Variants in ZFX observed in about 807,000 individuals in gnomAD.
The protein encoded by ZFX is zinc finger X-chromosomal protein.
For missense variants in ZFX, 362 were observed against 628.3 expected (o/e 0.58, Z 4.53); for synonymous variants, 196 against 226.8 (o/e 0.86, Z 1.22).
At chrX:24,153,136 A>G (rs1168998881) in intron 3 of ZFX, among the ~76,000 whole-genome samples, 5 of 111,918 alleles carry the variant, frequency 4.5e-5, no homozygotes, top group African/African-American at 1.6e-4. Flanking sequence ...TCTGTCACTG[A>G]TAATCTTCTT....
intron 5 of ZFX, among the ~76,000 whole-genome samples, chrX:24,191,549 T>G (rs1291369872): frequency 5.4e-5 from 6 of 111,760 alleles, no homozygotes. Context: ...TTTTCACATA[T>G]GTCAAGTAGA....
intron 5 of ZFX, among the ~76,000 whole-genome samples, chrX:24,205,178 T>C (rs146707232): frequency 1.3e-3 from 149 of 112,449 alleles, no homozygotes; most frequent in Middle Eastern, 4.6e-3. Flanking sequence ...GAGCCTTCTT[T>C]TCTGGGCCTC....
rs777201713 is a variant in ZFX at position 24,208,202 on chromosome X, G to A, written c.941-16G>A. The A allele has an allele frequency of 1.2e-5, 14 of 1,210,423 alleles. No individual in the cohort carries two copies. The highest frequency in any genetic ancestry group is 1.6e-5 in the Non-Finnish European group (14 of 895,031). ...TGTAAACCTGGTCACAGAAGTTTTT[G>A]TAACTTTCTACTTAGATGTTGCTGA... On this transcript the variant is annotated splice_polypyrimidine_tract_variant and intron_variant, in intron 7 of 9. Transcript: ENST00000304543.
At chrX:24,165,955 G>A (rs1195808551) in intron 3 of ZFX, among the ~76,000 whole-genome samples, 1 of 112,733 alleles carries the variant, frequency 8.9e-6, no homozygotes, top group Non-Finnish European at 1.9e-5. Context: ...GTTATGGAAT[G>A]AACATGGATA....
chrX:24,207,991 A>T (rs981883348), intron 7 of ZFX, 136 bp downstream of exon 7: 1 of 914,241 alleles, frequency 1.1e-6, no homozygotes, highest in Non-Finnish European at 1.5e-6. Context: ...TGACTCTTTT[A>T]TATATGCTTA....
At chrX:24,174,907 C>T (rs542382230) in intron 4 of ZFX, among the ~76,000 whole-genome samples, 189 of 109,699 alleles carry the variant, frequency 1.7e-3, no homozygotes, top group Middle Eastern at 9.3e-3. Flanking sequence ...GACGGGGTCT[C>T]GCTATGTTGC....
chrX:24,178,588 CTT>C (rs770391725), intron 4 of ZFX, among the ~76,000 whole-genome samples: 5 of 82,790 alleles, frequency 6.0e-5, no homozygotes, highest in Admixed American at 2.9e-4. Context: ...CGCGCCTGGC[CTT>C]TTTTTTTTTT....
intron 5 of ZFX, among the ~76,000 whole-genome samples, chrX:24,202,613 T>G (rs938878314): frequency 1.8e-5 from 2 of 111,590 alleles, no homozygotes; most frequent in African/African-American, 6.5e-5. Flanking sequence ...CCTCTCCAGC[T>G]TTCCCTTCTC....
At chrX:24,168,671 CTTTT>C (rs141296315) in intron 3 of ZFX, among the ~76,000 whole-genome samples, 11 of 83,260 alleles carry the variant, frequency 1.3e-4, no homozygotes, top group Non-Finnish European at 2.1e-4. Context: ...TTCTTTCTTT[CTTTT>C]TTTTTTTTTT....
chrX:24,149,832 G>T (rs995185399), intron 1 of ZFX, 38 bp downstream of exon 1: 2 of 109,720 alleles, frequency 1.8e-5, no homozygotes, highest in African/African-American at 3.3e-5. Flanking sequence ...GGGGCCTAGT[G>T]CGCGCACAGC....
chrX:24,208,258 C>T lies in ZFX; in HGVS notation c.981C>T (p.Ile327=), dbSNP rs1234508793. ...CTGACGAAGTTTATATGGAAGTGATCGTAGGAGAGGAGGATGCTGCAGCAG... is the reference window on the plus strand; with the variant it reads ...CTGACGAAGTTTATATGGAAGTGATTGTAGGAGAGGAGGATGCTGCAGCAG... ...EIADEVYMEV[I]VGEEDAAAAA... is the part of the protein sequence containing the mutation. The change falls in exon 8 of 10, where the codon ATC becomes ATT. Residue 327 remains isoleucine (I), a synonymous_variant. Coordinates refer to ENST00000304543, the MANE Select transcript of ZFX (RefSeq NM_003410.4). 6.6e-6 allele frequency: 8 copies of T among 1,211,426 alleles called. No individual in the cohort carries two copies. The highest frequency in any genetic ancestry group is 8.9e-6 in the Non-Finnish European group (8 of 895,403).
At chrX:24,201,916 C>T (rs2147966352) in intron 5 of ZFX, among the ~76,000 whole-genome samples, 1 of 111,949 alleles carries the variant, frequency 8.9e-6, no homozygotes, top group East Asian at 2.8e-4. Context: ...TTTAAGCCTT[C>T]ATATCATTAA....
Position 24,212,565 on chromosome X carries a change from GT to G in ZFX, c.*1194del, listed in dbSNP as rs1786613354. On this transcript the variant is annotated 3_prime_UTR_variant, in exon 10 of 10. Transcript: ENST00000304543. ...TACAATTTCACCTCCATGTCTTTAT[GT>G]TTTTCTGAAAAGCAAATGAGTATCC... The G allele has an allele frequency of 8.9e-6, 1 of 112,300 alleles. No homozygotes were observed. Among genetic ancestry groups the G allele is most frequent in the African/African-American group, 3.2e-5 (1 of 30,820 alleles). The allele number at this position is 112,300 out of a possible 1,213,427, so 9.3% of individuals were successfully genotyped here. A position where few individuals can be genotyped will look rare whatever the true frequency, so the allele number is the denominator to read the frequency against.
chrX:24,157,177 A>G (rs769556870), intron 3 of ZFX, among the ~76,000 whole-genome samples: 35 of 112,329 alleles, frequency 3.1e-4, no homozygotes, highest in African/African-American at 6.8e-4. Flanking sequence ...ACTACTTTTC[A>G]TAAAGCTCTT....
chrX:24,176,101 G>A lies in ZFX; in HGVS notation c.59-3082G>A, dbSNP rs1319181236. On this transcript the variant is annotated intron_variant, in intron 4 of 9. Transcript: ENST00000304543. ...GTTGCCTAGGCTGGAGTGCAATGGC[G>A]CGATCTTTGCTCACCACAACCTCTG... Among the ~76,000 whole-genome samples, 9 of 103,421 alleles carry A rather than the reference G, an allele frequency of 8.7e-5. No individual in the cohort carries two copies. In the East Asian group the frequency reaches 1.5e-3, roughly 18 times the overall value. 89.8% of individuals were successfully genotyped at this position (103,421 alleles called of 115,157 possible).
chrX:24,206,724 A>G (rs969265533), intron 5 of ZFX, among the ~76,000 whole-genome samples: 5 of 109,775 alleles, frequency 4.6e-5, no homozygotes, highest in Admixed American at 3.9e-4. Context: ...GATCTTTAAT[A>G]TAAGAGTGCT....
chrX:24,167,424 C>T (rs899139045), intron 3 of ZFX, among the ~76,000 whole-genome samples: 1 of 111,224 alleles, frequency 9.0e-6, no homozygotes, highest in Admixed American at 9.6e-5. Flanking sequence ...AATAGACAAC[C>T]AGGAAGAACC....
chrX:24,214,843 T>C lies in ZFX; in HGVS notation c.*3467T>C, dbSNP rs1218188564. 8.9e-6 allele frequency: 1 copy of C among 111,900 alleles called. No individual in the cohort carries two copies. The allele number at this position is 111,900 out of a possible 1,213,427, so 9.2% of individuals were successfully genotyped here. A position where few individuals can be genotyped will look rare whatever the true frequency, so the allele number is the denominator to read the frequency against. ...CAGCATATTTAATCAGTGGGGACTG[T>C]TACCACCTCCACAACAGAAATCATG... On this transcript the variant is annotated 3_prime_UTR_variant, in exon 10 of 10. Coordinates refer to ENST00000304543, the MANE Select transcript of ZFX (RefSeq NM_003410.4).
intron 3 of ZFX, among the ~76,000 whole-genome samples, chrX:24,165,979 G>T (rs1484441217): frequency 8.9e-6 from 1 of 112,470 alleles, no homozygotes; most frequent in Non-Finnish European, 1.9e-5. Context: ...CTAAATTATT[G>T]AATGCATTAA....
Sources: allele counts gnomAD v4.1 joint callset (sites outside exome capture counted in the v4.1 genomes callset), GRCh38; gene constraint gnomAD v4.1.1; transcripts MANE v1.5; gene names NCBI Gene and HGNC (gene_info 2026-07-23, HGNC 2026-07-21).